Variants in SPATA3 observed in about 807,000 individuals in gnomAD.
SPATA3 encodes spermatogenesis associated 3, also known as spermatogenesis-associated protein 3.
In SPATA3, 6 loss-of-function variants were observed where a neutral mutation model predicts 5.7. That is an observed-to-expected ratio of 1.06 (90% CI 0.58 to 2.09). The LOEUF is 2.09. SPATA3 is among the 30% of genes most tolerant of loss of function. The pLI is 0.00. For synonymous variants in SPATA3, 44 were observed against 48.4 expected (o/e 0.91, Z 0.37); for missense variants, 155 against 130.4 (o/e 1.19, Z -0.92).
intron 7 of SPATA3, among the ~76,000 whole-genome samples, chr2:231,020,072 T>C (rs868500746): frequency 6.0e-5 from 9 of 150,132 alleles, no homozygotes; most frequent in African/African-American, 2.2e-4. Context: ...TTAACTGAAC[T>C]CATATCTCAG....
downstream of SPATA3, among the ~76,000 whole-genome samples, chr2:231,011,392 C>T (rs184552770): frequency 2.0e-4 from 30 of 152,208 alleles, no homozygotes; most frequent in African/African-American, 7.0e-4. Flanking sequence ...TGGGAGCCTC[C>T]GCACCCGGTC....
downstream of SPATA3, among the ~76,000 whole-genome samples, chr2:231,009,872 T>C (rs11685135): frequency 0.35 from 52,517 of 151,972 alleles, 9,206 homozygotes; most frequent in Non-Finnish European, 0.37. Context: ...TAGGCCATTG[T>C]ATTCAGAGTG....
downstream of SPATA3, among the ~76,000 whole-genome samples, chr2:231,005,024 A>G (rs1692496601): frequency 7.2e-6 from 1 of 139,726 alleles, no homozygotes; most frequent in Non-Finnish European, 1.6e-5. Context: ...CATCACCATC[A>G]CCATCATCAC....
At chr2:231,016,249 C>G (rs936010071) in intron 6 of SPATA3, among the ~76,000 whole-genome samples, 2 of 152,178 alleles carry the variant, frequency 1.3e-5, no homozygotes, top group Non-Finnish European at 2.9e-5. Flanking sequence ...CTGGGCCTGC[C>G]TGTTCCCTTC....
At chr2:230,997,975 A>G (rs901451083) in intron 1 of SPATA3, among the ~76,000 whole-genome samples, 1 of 152,198 alleles carries the variant, frequency 6.6e-6, no homozygotes, top group Admixed American at 6.5e-5. Flanking sequence ...TCCTGAGCAG[A>G]CGCTGGTAGC....
chr2:231,009,816 G>A (rs1460466229), downstream of SPATA3, among the ~76,000 whole-genome samples: 2 of 152,234 alleles, frequency 1.3e-5, no homozygotes, highest in African/African-American at 4.8e-5. Context: ...TGAATGAGTA[G>A]ACCTGTCACC....
At chr2:231,004,487 A>T (rs145142097), downstream of SPATA3, among the ~76,000 whole-genome samples, 9 of 152,266 alleles carry the variant, frequency 5.9e-5, no homozygotes, top group South Asian at 2.1e-4. Context: ...TCTGACAGTG[A>T]CATGTCTAGT....
At chr2:231,012,739 A>C (rs1692820964) in intron 5 of SPATA3, 2 of 152,188 alleles carry the variant, frequency 1.3e-5, no homozygotes, top group South Asian at 4.2e-4. Flanking sequence ...AGAGAAGTGG[A>C]ATAGAGGATC....
chr2:231,005,613 TCATCATCAC>T (rs1164675953), downstream of SPATA3, among the ~76,000 whole-genome samples: 1 of 49,038 alleles, frequency 2.0e-5, no homozygotes, highest in Non-Finnish European at 4.3e-5. Context: ...ATCACCATCA[TCATCATCAC>T]CATCATCACC....
chr2:231,010,717 C>T (rs953039118), downstream of SPATA3, among the ~76,000 whole-genome samples: 10 of 151,906 alleles, frequency 6.6e-5, no homozygotes, highest in African/African-American at 2.2e-4. Flanking sequence ...TAAGCTCCAG[C>T]GGAGTCTAGC....
chr2:231,005,606 A>G (rs1338821410), downstream of SPATA3, among the ~76,000 whole-genome samples: 4 of 148,796 alleles, frequency 2.7e-5, no homozygotes, highest in African/African-American at 9.9e-5. Context: ...CACCATCATC[A>G]CCATCATCAT....
At position 231,019,430 on chromosome 2, in the gene SPATA3, T is replaced by A. The variant is rs1279032284; in HGVS notation, c.*566-290T>A. On this transcript the variant is annotated intron_variant, in intron 6 of 8. Transcript: ENST00000452881. Reference sequence around the variant, plus strand: ...GCTCCGCCTCCCGGGTTCACACCATTCTCCTGCCTCAGCCTCCCGAGTAGC... The same window carrying A: ...GCTCCGCCTCCCGGGTTCACACCATACTCCTGCCTCAGCCTCCCGAGTAGC... Among the ~76,000 whole-genome samples, 3 of 149,802 alleles carry A rather than the reference T, an allele frequency of 2.0e-5. 1 individual carries two copies. In the East Asian group the frequency reaches 6.2e-4, roughly 31 times the overall value.
At chr2:231,012,903 C>T (rs1405599474) in intron 5 of SPATA3, among the ~76,000 whole-genome samples, 1 of 152,190 alleles carries the variant, frequency 6.6e-6, no homozygotes, top group Non-Finnish European at 1.5e-5. Flanking sequence ...TGCCCATCTC[C>T]CTTCATCCCA....
intron 6 of SPATA3, among the ~76,000 whole-genome samples, chr2:231,015,888 G>A (rs986117006): frequency 1.3e-5 from 2 of 152,228 alleles, no homozygotes; most frequent in Admixed American, 6.5e-5. Flanking sequence ...ATATTCCCAC[G>A]GAGCTGTGAA....
chr2:230,996,289 C>T (rs1194142004), intron 1 of SPATA3: 3 of 1,551,876 alleles, frequency 1.9e-6, no homozygotes, highest in Non-Finnish European at 2.6e-6. Context: ...GACTCCACCT[C>T]CCAGCATGCT....
chr2:231,006,978 G>GA (rs1258798469), downstream of SPATA3: 1 of 152,226 alleles, frequency 6.6e-6, no homozygotes, highest in Non-Finnish European at 1.5e-5. Flanking sequence ...CCGATGAGCT[G>GA]AGCAGGAGCC....
At chr2:231,014,783 C>T (rs1042786250) in intron 6 of SPATA3, among the ~76,000 whole-genome samples, 8 of 152,308 alleles carry the variant, frequency 5.3e-5, no homozygotes, top group African/African-American at 1.7e-4. Context: ...GTTGGCCAAA[C>T]ACTTCCATCT....
chr2:231,013,294 T>C (rs1264097654), intron 5 of SPATA3, among the ~76,000 whole-genome samples: 1 of 152,204 alleles, frequency 6.6e-6, no homozygotes, highest in Non-Finnish European at 1.5e-5. Flanking sequence ...CTAACATAAA[T>C]GGACTCAATC....
chr2:231,011,072 C>CAAAAAAAAAAAAAAAAAAAAAAAAAA (rs556496371), downstream of SPATA3, among the ~76,000 whole-genome samples: 29 of 79,794 alleles, frequency 3.6e-4, no homozygotes, highest in Middle Eastern at 7.4e-3. Context: ...GACCCTGTCT[C>CAAAAAAAAAAAAAAAAAAAAAAAAAA]AAAAAAAAAA....
Sources: gnomAD v4.1 joint callset for allele counts (sites outside exome capture counted in the v4.1 genomes callset) on GRCh38, gnomAD v4.1.1 for gene constraint, MANE v1.5 for transcripts, NCBI Gene and HGNC (gene_info 2026-07-23, HGNC 2026-07-21) for gene names.